The following ITGA6 variants were observed in gnomAD, a reference collection of about 807,000 sequenced individuals.
The protein encoded by ITGA6 is integrin alpha-6.
A neutral mutation model predicts 133.6 loss-of-function variants in ITGA6; 63 were observed. The observed-to-expected ratio is 0.47, with a 90% CI of 0.38 to 0.58. The LOEUF (loss-of-function observed/expected upper bound fraction) is 0.58, where lower values mean the gene tolerates loss of function less well. Ranked by LOEUF, ITGA6 falls within the 20% of genes least tolerant of loss-of-function variation. The probability of loss-of-function intolerance (pLI) is 0.00; values close to 1 mark genes in which losing one functional copy is unlikely to be tolerated. For missense variants in ITGA6, 1,068 were observed against 1,309.4 expected (o/e 0.82, Z 2.85); for synonymous variants, 434 against 482.0 (o/e 0.90, Z 1.30).
rs1430088115 is a variant in ITGA6 at position 172,491,804 on chromosome 2, G to T, written c.2988+281G>T. Among the ~76,000 whole-genome samples the T allele has an allele frequency of 6.6e-6, 1 of 152,176 alleles. No homozygotes were observed. The highest frequency in any genetic ancestry group is 6.5e-5 in the Admixed American group (1 of 15,278). On this transcript the variant is annotated intron_variant, in intron 23 of 25. Transcript: ENST00000684293. This position sits in a 1 kb window ranked among gnomAD's most constrained non-coding sequence, Gnocchi z 4.4. Reference sequence around the variant, plus strand: ...GCACCTCACAGCCCTCTAGAAACCTGTGTCTTCTACCATCTCTAATGCTGC... The same window carrying T: ...GCACCTCACAGCCCTCTAGAAACCTTTGTCTTCTACCATCTCTAATGCTGC...
intron 11 of ITGA6, among the ~76,000 whole-genome samples, chr2:172,484,357 C>G (rs1055451144): frequency 6.6e-6 from 1 of 151,094 alleles, no homozygotes; most frequent in African/African-American, 2.4e-5. Context: ...GAGATCTTTC[C>G]CAGATAGCAA....
chr2:172,427,580 G>A (rs1393957318), upstream of ITGA6: 3 of 1,251,890 alleles, frequency 2.4e-6, no homozygotes, highest in Admixed American at 4.4e-5. Flanking sequence ...CGAGTCTCCA[G>A]AGAACAACGG....
Position 172,474,992 on chromosome 2 carries a change from A to C in ITGA6, c.1050A>C (p.Ala350=), listed in dbSNP as rs772394545. 2 of 1,585,768 alleles carry C rather than the reference A, an allele frequency of 1.3e-6. No individual in the cohort carries two copies. The highest frequency in any genetic ancestry group is 1.7e-5 in the Admixed American group (1 of 59,970). The change falls in exon 7 of 26, where the codon GCA becomes GCC. Residue 350 remains alanine, a synonymous_variant. Transcript: ENST00000684293. ...YFDRDGEVGG[A]VYVYMNQQGR... is the part of the protein sequence containing the mutation. ...ATAGAGATGGAGAAGTTGGAGGTGC[A>C]GTGTATGTCTACATGAACCAGCAAG... is the stretch of plus-strand genomic sequence containing the variant.
At chr2:172,468,924 A>G (rs995689332) in intron 3 of ITGA6, 7 of 570,292 alleles carry the variant, frequency 1.2e-5, no homozygotes, top group African/African-American at 3.7e-5. Context: ...GGCACATTCT[A>G]GTTTCTATAT....
chr2:172,498,586 C>A (rs115263947), intron 24 of ITGA6, among the ~76,000 whole-genome samples: 1 of 152,138 alleles, frequency 6.6e-6, no homozygotes, highest in African/African-American at 2.4e-5. Flanking sequence ...AAGGGGGTCA[C>A]TATAGCGTGT....
intron 8 of ITGA6, 56 bp from the exon 9 acceptor site, chr2:172,476,339 G>A (rs1055387414): frequency 2.1e-6 from 2 of 938,578 alleles, no homozygotes; most frequent in African/African-American, 1.6e-5. Context: ...TCAAAGCATT[G>A]TTAAGAAGCT....
rs953673940 is a variant in ITGA6, at chr2:172,474,964, T to C, written c.1022T>C (p.Phe341Ser). Residue 341 changes from phenylalanine to serine, a missense_variant, in exon 7 of 26, where the codon TTT becomes TCT. By Grantham distance (155) the Phe-to-Ser change is radical (BLOSUM62 -2). Around this residue, in one of 3 missense-constraint regions of ITGA6, gnomAD observed 317 missense variants for 456.9 expected, o/e 0.69. Coordinates refer to ENST00000684293, the MANE Select transcript of ITGA6 (RefSeq NM_000210.4). ...QDIVIGAPQY[F>S]DRDGEVGGAV... ...ATAGTTATTGGAGCCCCACAGTATT[T>C]TGATAGAGATGGAGAAGTTGGAGGT... 6.3e-7 allele frequency: 1 copy of C among 1,588,650 alleles called. No homozygotes were observed. The highest frequency in any genetic ancestry group is 1.1e-5 in the South Asian group (1 of 90,602).
intron 1 of ITGA6, among the ~76,000 whole-genome samples, chr2:172,442,056 C>T (rs2149003334): frequency 6.6e-6 from 1 of 152,334 alleles, no homozygotes; most frequent in East Asian, 1.9e-4. Flanking sequence ...ATAAACATTT[C>T]TCCATTAGAA....
rs563116631 is a variant in ITGA6 at position 172,443,558 on chromosome 2, A to G, written c.182+15588A>G. ...ATCTGATAGGACCACAGGCTACGCT[A>G]TCAGTGGGTTTAGTAGAGTCTTTTC... On this transcript the variant is annotated intron_variant, in intron 1 of 25. Coordinates refer to ENST00000684293, the MANE Select transcript of ITGA6 (RefSeq NM_000210.4). Among the ~76,000 whole-genome samples the G allele has an allele frequency of 7.2e-5, 11 of 152,308 alleles. No individual in the cohort carries two copies. The East Asian group carries it at 1.5e-3, about 21-fold the overall frequency.
At chr2:172,457,295 CAAAAAA>C (rs71403305) in intron 1 of ITGA6, among the ~76,000 whole-genome samples, 2 of 79,352 alleles carry the variant, frequency 2.5e-5, no homozygotes, top group African/African-American at 4.9e-5. Context: ...ATTCTGTCTC[CAAAAAA>C]AAAAAAAAAA....
At chr2:172,465,377 A>T in intron 1 of ITGA6, 162 bp from the exon 2 acceptor site, 1 of 842,220 alleles carries the variant, frequency 1.2e-6, no homozygotes, top group Non-Finnish European at 2.0e-6. Context: ...TGCATGAACC[A>T]GCCATAGGAC....
chr2:172,493,476 T>G (rs1687005570), intron 23 of ITGA6, among the ~76,000 whole-genome samples: 1 of 152,146 alleles, frequency 6.6e-6, no homozygotes, highest in African/African-American at 2.4e-5. Flanking sequence ...CTAACATTAA[T>G]GAAGCCTTAA....
chr2:172,436,324 A>G (rs990099048), intron 1 of ITGA6, among the ~76,000 whole-genome samples: 1 of 152,138 alleles, frequency 6.6e-6, no homozygotes, highest in South Asian at 2.1e-4. Flanking sequence ...AACATGGGAA[A>G]CCCATTTCAG....
At chr2:172,465,971 A>G (rs1685653144) in intron 2 of ITGA6, 1 of 458,702 alleles carries the variant, frequency 2.2e-6, no homozygotes, top group Non-Finnish European at 4.0e-6. Context: ...CATAGCAATG[A>G]AGAGAATGAA....
At chr2:172,489,386 C>T (rs1027445457) in intron 19 of ITGA6, 99 bp from the exon 20 acceptor site, 25 of 881,480 alleles carry the variant, frequency 2.8e-5, no homozygotes, top group East Asian at 7.7e-5. Flanking sequence ...TATAGGATTA[C>T]GTTAGATATT....
chr2:172,485,269 GTC>G lies in ITGA6; in HGVS notation c.1854+11_1854+12del, dbSNP rs1167360496. ...CCCAAGACAGCTCATATTGATGTAA[GTC>G]TCTCTGACTTTCATTTTGCCAAAGT... is the stretch of plus-strand genomic sequence containing the variant. On this transcript the variant is annotated splice_donor_region_variant and intron_variant, in intron 13 of 25. Coordinates refer to ENST00000684293, the MANE Select transcript of ITGA6 (RefSeq NM_000210.4). 1 of 1,613,822 alleles carries G rather than the reference GTC, an allele frequency of 6.2e-7. No individual in the cohort carries two copies. The highest frequency in any genetic ancestry group is 8.5e-7 in the Non-Finnish European group (1 of 1,179,876).
intron 1 of ITGA6, among the ~76,000 whole-genome samples, chr2:172,451,462 TAAAAAA>T (rs57101233): frequency 3.0e-5 from 4 of 135,498 alleles, no homozygotes; most frequent in African/African-American, 1.1e-4. Context: ...GAGACTATCT[TAAAAAA>T]AAAAAAAAAA....
At chr2:172,490,570 T>C (rs1226530782) in intron 20 of ITGA6, among the ~76,000 whole-genome samples, 1 of 152,246 alleles carries the variant, frequency 6.6e-6, no homozygotes, top group Non-Finnish European at 1.5e-5. Context: ...GGCTTAGTTT[T>C]CATTGCTCTG....
intron 5 of ITGA6, 51 bp from the exon 6 acceptor site, chr2:172,474,004 C>A: frequency 7.6e-7 from 1 of 1,322,148 alleles, no homozygotes; most frequent in Non-Finnish European, 1.1e-6. Flanking sequence ...ATGTCATAGG[C>A]CTAAAATATA....
Sources: allele counts gnomAD v4.1 joint callset (sites outside exome capture counted in the v4.1 genomes callset), GRCh38; gene constraint gnomAD v4.1.1; regional missense constraint gnomAD v4.1.1; non-coding constraint Gnocchi (gnomAD v3.1); transcripts MANE v1.5; gene names NCBI Gene and HGNC (gene_info 2026-07-23, HGNC 2026-07-21).